The following ARPP21 variants were observed in gnomAD, a reference collection of about 807,000 sequenced individuals.
ARPP21 encodes cAMP regulated phosphoprotein 21, also known as cAMP-regulated phosphoprotein 21.
Under a neutral mutation model 113.2 loss-of-function variants are expected in ARPP21, and 69 were observed. The observed-to-expected ratio is 0.61, with a 90% CI of 0.50 to 0.74. The LOEUF is 0.74. ARPP21 is among the 30% of genes least tolerant of loss of function. The probability of loss-of-function intolerance (pLI) is 0.00; values close to 1 mark genes in which losing one functional copy is unlikely to be tolerated. For synonymous variants in ARPP21, 368 were observed against 375.5 expected (o/e 0.98, Z 0.23); for missense variants, 1,070 against 1,037.4 (o/e 1.03, Z -0.43).
intron 1 of ARPP21, among the ~76,000 whole-genome samples, chr3:35,655,230 AAT>A (rs1223160448): frequency 1.8e-4 from 28 of 151,956 alleles, no homozygotes; most frequent in African/African-American, 6.5e-4. Flanking sequence ...CTCTTTGATA[AAT>A]ATATATGTGT....
At chr3:35,729,699 G>A (rs1335258601) in intron 15 of ARPP21, among the ~76,000 whole-genome samples, 163 bp downstream of exon 15, 1 of 152,186 alleles carries the variant, frequency 6.6e-6, no homozygotes, top group Non-Finnish European at 1.5e-5. Context: ...CAGATTTACA[G>A]CAGTATCTAT....
chr3:35,732,667 T>A (rs2094068835), intron 15 of ARPP21, among the ~76,000 whole-genome samples: 1 of 152,218 alleles, frequency 6.6e-6, no homozygotes, highest in Non-Finnish European at 1.5e-5. Flanking sequence ...CAAAAACTTG[T>A]TAATGTTCAT....
In ARPP21 at chr3:35,794,015, G is replaced by C. The variant is rs2151943913; in HGVS notation, c.*57G>C. On this transcript the variant is annotated 3_prime_UTR_variant, in exon 21 of 21. Transcript: ENST00000684406. ...TTTCTCATGGCCTTTGATGGAAGAG[G>C]AACAAGGTGGGAAAACTGGCTGAGG... 1.3e-6 allele frequency: 2 copies of C among 1,507,112 alleles called. No individual in the cohort carries two copies. Among genetic ancestry groups the C allele is most frequent in the East Asian group, 2.4e-5 (1 of 41,274 alleles). The allele number at this position is 1,507,112 out of a possible 1,614,324, so 93.4% of individuals were successfully genotyped here. A position where few individuals can be genotyped will look rare whatever the true frequency, so the allele number is the denominator to read the frequency against.
At chr3:35,779,939 CTG>C in intron 19 of ARPP21, among the ~76,000 whole-genome samples, 1 of 152,182 alleles carries the variant, frequency 6.6e-6, no homozygotes, top group Non-Finnish European at 1.5e-5. Context: ...AATTTAAAAA[CTG>C]TGCTGTTAGA....
intron 18 of ARPP21, 144 bp from the exon 19 acceptor site, chr3:35,743,695 T>A: frequency 1.3e-6 from 1 of 763,610 alleles, no homozygotes; most frequent in Non-Finnish European, 2.2e-6. Flanking sequence ...AGAAGTAGCA[T>A]GCACATACAC....
At chr3:35,793,105 AT>A (rs1331632281) in intron 20 of ARPP21, among the ~76,000 whole-genome samples, 1 of 152,204 alleles carries the variant, frequency 6.6e-6, no homozygotes, top group Non-Finnish European at 1.5e-5. Flanking sequence ...TAATAATTAA[AT>A]TTAACTGTAC....
chr3:35,714,074 C>G (rs762522433), intron 11 of ARPP21, among the ~76,000 whole-genome samples: 1 of 152,162 alleles, frequency 6.6e-6, no homozygotes, highest in Non-Finnish European at 1.5e-5. Flanking sequence ...ATCATTTATG[C>G]TTGTTTCCCT....
chr3:35,687,939 G>C, intron 6 of ARPP21, 56 bp downstream of exon 6: 1 of 1,502,090 alleles, frequency 6.7e-7, no homozygotes, highest in Non-Finnish European at 8.9e-7. Context: ...CATAGTCACA[G>C]AACACATTCT....
intron 1 of ARPP21, among the ~76,000 whole-genome samples, chr3:35,674,544 A>T (rs907718140): frequency 6.6e-6 from 1 of 151,746 alleles, no homozygotes; most frequent in African/African-American, 2.4e-5. Context: ...TACCTACAAA[A>T]CCTGGGTATA....
At chr3:35,656,273 A>T (rs1054359785) in intron 1 of ARPP21, among the ~76,000 whole-genome samples, 3 of 151,984 alleles carry the variant, frequency 2.0e-5, no homozygotes, top group Non-Finnish European at 4.4e-5. Context: ...TAATCCCCTA[A>T]TCCACAAGAC....
intron 1 of ARPP21, among the ~76,000 whole-genome samples, chr3:35,675,727 C>A (rs1037218947): frequency 2.6e-5 from 4 of 151,718 alleles, no homozygotes; most frequent in African/African-American, 9.7e-5. Flanking sequence ...TCTATCTAAC[C>A]TTTTTATTCT....
intron 9 of ARPP21, among the ~76,000 whole-genome samples, chr3:35,693,062 G>A (rs2082712759): frequency 6.6e-6 from 1 of 150,852 alleles, no homozygotes; most frequent in Non-Finnish European, 1.5e-5. Context: ...TTTAATTAAT[G>A]GCCATTTAAA....
chr3:35,658,351 A>G (rs1705999349), intron 1 of ARPP21, among the ~76,000 whole-genome samples: 1 of 152,140 alleles, frequency 6.6e-6, no homozygotes, highest in East Asian at 1.9e-4. Flanking sequence ...TGTAGTGAGG[A>G]TTAAAAACAC....
chr3:35,689,539 G>A (rs529648061), intron 7 of ARPP21, among the ~76,000 whole-genome samples, 154 bp downstream of exon 7: 9 of 151,418 alleles, frequency 5.9e-5, no homozygotes, highest in Admixed American at 3.3e-4. Flanking sequence ...TCTACTAATC[G>A]TTTGCATGTT....
At chr3:35,779,583 G>A (rs1298070322) in intron 19 of ARPP21, among the ~76,000 whole-genome samples, 1 of 112,782 alleles carries the variant, frequency 8.9e-6, no homozygotes, top group Non-Finnish European at 1.8e-5. Context: ...GCTTAGTGAG[G>A]GTCAAAAAAA....
chr3:35,656,160 G>A (rs1047510754), intron 1 of ARPP21, among the ~76,000 whole-genome samples: 4 of 151,894 alleles, frequency 2.6e-5, no homozygotes, highest in Non-Finnish European at 4.4e-5. Context: ...ACAGAGTTAC[G>A]CAGTCTCTGT....
intron 9 of ARPP21, among the ~76,000 whole-genome samples, chr3:35,699,686 C>T (rs536528202): frequency 6.6e-6 from 1 of 151,748 alleles, no homozygotes; most frequent in Admixed American, 6.6e-5. Flanking sequence ...TTTATTTACA[C>T]GTACCAAAAA....
chr3:35,671,899 A>T (rs1365457814), intron 1 of ARPP21, among the ~76,000 whole-genome samples: 3 of 151,838 alleles, frequency 2.0e-5, no homozygotes, highest in Non-Finnish European at 4.4e-5. Context: ...TCTCAGAAAA[A>T]CTCAGAAAGC....
rs183841053 is a variant in ARPP21, at chr3:35,648,148, G to A, written c.-213+7750G>A. On this transcript the variant is annotated intron_variant, in intron 1 of 20. Coordinates refer to ENST00000684406, the MANE Select transcript of ARPP21 (RefSeq NM_001385562.1). Reference sequence around the variant, plus strand: ...TATGAAATATTGAAGGCCAAGCCAAGGTAGTAACTAATCTCAGAAGTGTTC... The same window carrying A: ...TATGAAATATTGAAGGCCAAGCCAAAGTAGTAACTAATCTCAGAAGTGTTC... Among the ~76,000 whole-genome samples, 104 of 152,236 alleles carry A rather than the reference G, an allele frequency of 6.8e-4. 1 individual carries two copies. Among genetic ancestry groups the A allele is most frequent in the Non-Finnish European group, 4.6e-4 (31 of 68,008 alleles).
Sources: gnomAD v4.1 joint callset for allele counts (sites outside exome capture counted in the v4.1 genomes callset) on GRCh38, gnomAD v4.1.1 for gene constraint, MANE v1.5 for transcripts, NCBI Gene and HGNC (gene_info 2026-07-23, HGNC 2026-07-21) for gene names.